Variants in TACR1 observed in about 807,000 individuals in gnomAD.
The protein encoded by TACR1 is substance-P receptor.
TACR1 carries 25 observed loss-of-function variants against 35.8 expected under a neutral mutation model. That is an observed-to-expected ratio of 0.70 (90% CI 0.51 to 0.98). The LOEUF (loss-of-function observed/expected upper bound fraction) is 0.98, where lower values mean the gene tolerates loss of function less well. Among genes scored for constraint, TACR1 ranks in the 50% least tolerant of loss-of-function variants. The pLI is 0.00. For missense variants in TACR1, 478 were observed against 522.9 expected (o/e 0.91, Z 0.84); for synonymous variants, 195 against 206.7 (o/e 0.94, Z 0.48).
chr2:75,156,916 C>T (rs1674873672), intron 1 of TACR1, among the ~76,000 whole-genome samples: 1 of 152,090 alleles, frequency 6.6e-6, no homozygotes, highest in South Asian at 2.1e-4. Flanking sequence ...ACTGCATTTC[C>T]ATTAAAATGA....
At chr2:75,067,022 A>G (rs149809578) in intron 2 of TACR1, among the ~76,000 whole-genome samples, 4 of 152,336 alleles carry the variant, frequency 2.6e-5, no homozygotes, top group East Asian at 1.9e-4. Context: ...AAGCTAATCT[A>G]TGCAATTGAG....
chr2:75,086,434 T>C (rs1673190279), intron 2 of TACR1, among the ~76,000 whole-genome samples: 2 of 152,234 alleles, frequency 1.3e-5, no homozygotes, highest in Non-Finnish European at 2.9e-5. Context: ...AAGTGCAAAT[T>C]ATTCTCAGGT....
chr2:75,130,486 CA>C (rs1362056825), intron 1 of TACR1, among the ~76,000 whole-genome samples: 1 of 152,218 alleles, frequency 6.6e-6, no homozygotes, highest in African/African-American at 2.4e-5. Flanking sequence ...ACCCTTGCTA[CA>C]GTGATTTTGC....
intron 1 of TACR1, among the ~76,000 whole-genome samples, chr2:75,158,777 G>A (rs1383598753): frequency 6.6e-6 from 1 of 152,190 alleles, no homozygotes; most frequent in Non-Finnish European, 1.5e-5. Flanking sequence ...GGAATGGGTG[G>A]TTGGGTGAGA....
chr2:75,192,512 A>T (rs1006936), intron 1 of TACR1, among the ~76,000 whole-genome samples: 151,958 of 152,350 alleles, frequency 1, 75,786 homozygotes, highest in Middle Eastern at 1. Flanking sequence ...TGGAAAGTTG[A>T]GGGGTTGAAC....
chr2:75,095,040 AGT>A (rs1311769592), intron 2 of TACR1, among the ~76,000 whole-genome samples: 1 of 151,750 alleles, frequency 6.6e-6, no homozygotes, highest in Non-Finnish European at 1.5e-5. Flanking sequence ...GTGAGGATGG[AGT>A]GAGAGTCATG....
At chr2:75,190,648 C>T (rs1675821197) in intron 1 of TACR1, among the ~76,000 whole-genome samples, 1 of 152,052 alleles carries the variant, frequency 6.6e-6, no homozygotes, top group African/African-American at 2.4e-5. Context: ...CAAATCTTTC[C>T]CTCTCTTCTT....
chr2:75,135,171 G>T (rs1002687327), intron 1 of TACR1, among the ~76,000 whole-genome samples: 24 of 152,036 alleles, frequency 1.6e-4, no homozygotes, highest in African/African-American at 4.3e-4. Flanking sequence ...TCCCATGCGG[G>T]CCCCAGCACA....
rs1168725659 is a variant in TACR1 at position 75,071,350 on chromosome 2, TC to T, written c.585-17596del. On this transcript the variant is annotated intron_variant, in intron 2 of 4. Transcript: ENST00000305249. ...CCTTATTTAGGCTATTGGGATGCCC[TC>T]CCTTCTCTGGCACCAATCCAAATCT... 2.0e-5 allele frequency among the ~76,000 whole-genome samples: 3 copies of T among 152,238 alleles called. No individual in the cohort carries two copies. The East Asian group carries it at 5.8e-4, about 29-fold the overall frequency.
At chr2:75,124,475 G>T (rs1420802092) in intron 1 of TACR1, among the ~76,000 whole-genome samples, 1 of 152,102 alleles carries the variant, frequency 6.6e-6, no homozygotes, top group Non-Finnish European at 1.5e-5. Context: ...TCACTCCTGG[G>T]GTGTTACAAG....
chr2:75,147,136 G>A (rs770549561), intron 1 of TACR1, among the ~76,000 whole-genome samples: 6 of 152,214 alleles, frequency 3.9e-5, no homozygotes, highest in Non-Finnish European at 4.4e-5. Context: ...TTTCCTGTTT[G>A]TCTAAGCAGA....
intron 3 of TACR1, 36 bp downstream of exon 3, chr2:75,053,569 G>T: frequency 6.7e-7 from 1 of 1,487,834 alleles, no homozygotes; most frequent in Non-Finnish European, 8.9e-7. Context: ...TGTTGTCTGT[G>T]CCAGGGTGGG....
intron 2 of TACR1, among the ~76,000 whole-genome samples, chr2:75,062,470 A>G (rs1038609184): frequency 6.6e-6 from 1 of 152,220 alleles, no homozygotes; most frequent in Non-Finnish European, 1.5e-5. Flanking sequence ...TTTTATGTCA[A>G]TAAGTATTTC....
chr2:75,148,437 T>C (rs1290889467), intron 1 of TACR1, among the ~76,000 whole-genome samples: 2 of 152,194 alleles, frequency 1.3e-5, no homozygotes, highest in Non-Finnish European at 2.9e-5. Flanking sequence ...TGGTATCTCA[T>C]TGTGGTTTTT....
At chr2:75,115,249 C>T (rs1425124696) in intron 2 of TACR1, among the ~76,000 whole-genome samples, 1 of 152,028 alleles carries the variant, frequency 6.6e-6, no homozygotes. Context: ...CGTCCCCACT[C>T]CTAAAAGGGA....
chr2:75,168,609 C>T (rs1028468608), intron 1 of TACR1, among the ~76,000 whole-genome samples: 3 of 152,204 alleles, frequency 2.0e-5, no homozygotes, highest in African/African-American at 7.2e-5. Context: ...ACCTTGATTT[C>T]AGCTCACTGT....
intron 1 of TACR1, among the ~76,000 whole-genome samples, chr2:75,163,096 C>T (rs1675051685): frequency 6.6e-6 from 1 of 152,308 alleles, no homozygotes; most frequent in African/African-American, 2.4e-5. Context: ...TTCCCTCTTA[C>T]CCAGTCATGG....
rs190541231 is a variant in TACR1, at chr2:75,048,842, A to G, written c.*590T>C. 2.1e-3 allele frequency: 322 copies of G among 152,598 alleles called. No homozygotes were observed. The highest frequency in any genetic ancestry group is 3.5e-3 in the Non-Finnish European group (241 of 68,272). The allele number at this position is 152,598 out of a possible 1,614,324, so 9.5% of individuals were successfully genotyped here. ...ATAATGTGGAAGCCCGAGGTTCTCA[A>G]TCTCATGATGTATAAATGTACTGAA... On this transcript the variant is annotated 3_prime_UTR_variant, in exon 5 of 5. Coordinates refer to ENST00000305249, the MANE Select transcript of TACR1 (RefSeq NM_001058.4).
chr2:75,073,355 T>A (rs1311797470), intron 2 of TACR1, among the ~76,000 whole-genome samples: 1 of 152,222 alleles, frequency 6.6e-6, no homozygotes, highest in Non-Finnish European at 1.5e-5. Flanking sequence ...AGGAGAAGAA[T>A]GGAGTAGTAG....
Sources: gnomAD v4.1 joint callset for allele counts (sites outside exome capture counted in the v4.1 genomes callset) on GRCh38, gnomAD v4.1.1 for gene constraint, MANE v1.5 for transcripts, NCBI Gene and HGNC (gene_info 2026-07-23, HGNC 2026-07-21) for gene names.